Variants in LILRA6 observed in about 807,000 individuals in gnomAD.
LILRA6 encodes leukocyte immunoglobulin-like receptor subfamily A member 6.
LILRA6 carries 16 observed loss-of-function variants against 53.9 expected under a neutral mutation model. The observed-to-expected ratio is 0.30, with a 90% confidence interval of 0.20 to 0.45. The LOEUF (loss-of-function observed/expected upper bound fraction) is 0.45. Among genes scored for constraint, LILRA6 ranks in the 20% least tolerant of loss-of-function variants. LILRA6 has a pLI of 1.00. For missense variants in LILRA6, 306 were observed against 618.6 expected (o/e 0.49, Z 5.36); for synonymous variants, 135 against 256.4 (o/e 0.53, Z 4.52).
At chr19:54,239,690 TGG>T (rs2078695499) in intron 7 of LILRA6, 1 of 1,546,102 alleles carries the variant, frequency 6.5e-7, no homozygotes, top group Non-Finnish European at 8.7e-7. Flanking sequence ...AGGTGAAGCC[TGG>T]GGCTACCTTG....
chr19:54,239,171 C>A (rs1022494960), intron 7 of LILRA6, 82 bp from the exon 8 acceptor site: 3 of 1,591,134 alleles, frequency 1.9e-6, no homozygotes, highest in Non-Finnish European at 1.7e-6. Context: ...ACCCAGGGCA[C>A]CCCCCATCCG....
chr19:54,238,755 A>G (rs2078669186), exon 8 of LILRA6: 3 of 952,658 alleles, frequency 3.1e-6, no homozygotes, highest in African/African-American at 3.5e-5. Flanking sequence ...GTGGGTCTCA[A>G]CTGGGCATTC....
At chr19:54,240,994 G>A in exon 5 of LILRA6, 2 of 1,613,850 alleles carry the variant, frequency 1.2e-6, no homozygotes, top group South Asian at 2.2e-5. Context: ...GGCGCTGGAG[G>A]AAGTCACGTT....
At chr19:54,239,793 A>G in intron 7 of LILRA6, 108 bp downstream of exon 7, 1 of 1,550,642 alleles carries the variant, frequency 6.4e-7, no homozygotes, top group Non-Finnish European at 8.7e-7. Context: ...CCAGCCTCAG[A>G]GCCCCTGGGA....
exon 5 of LILRA6, chr19:54,241,117 C>T (rs761631915): frequency 6.3e-7 from 1 of 1,579,458 alleles, no homozygotes; most frequent in Non-Finnish European, 8.6e-7. Context: ...GGGAGGGCTT[C>T]CTAGACACGC....
intron 7 of LILRA6, chr19:54,239,627 G>A: frequency 1.5e-6 from 2 of 1,377,098 alleles, no homozygotes; most frequent in South Asian, 1.4e-5. Flanking sequence ...TCACTGGCCT[G>A]ACCCTGGGGG....
intron 7 of LILRA6, chr19:54,239,649 G>C: frequency 6.7e-7 from 1 of 1,493,134 alleles, no homozygotes; most frequent in South Asian, 1.3e-5. Context: ...TTGAGGGGCT[G>C]GTCCTCAGGA....
intron 7 of LILRA6, 91 bp from the exon 8 acceptor site, chr19:54,239,180 C>G: frequency 6.3e-7 from 1 of 1,586,554 alleles, no homozygotes; most frequent in Admixed American, 1.8e-5. Context: ...ACCCCCCATC[C>G]GCCATTGACA....
chr19:54,239,403 G>A (rs2078687450), intron 7 of LILRA6: 4 of 668,742 alleles, frequency 6.0e-6, no homozygotes, highest in Non-Finnish European at 9.5e-6. Context: ...GCTCCCTCCA[G>A]TCTCCTCATG....
Position 54,242,623 on chromosome 19 carries a change from C to G in LILRA6, c.35-69G>C, listed in dbSNP as rs1216818187. The G allele has an allele frequency of 1.9e-6, 2 of 1,080,942 alleles. 1 individual carries two copies. The highest frequency in any genetic ancestry group is 4.9e-5 in the East Asian group (2 of 40,506). The allele number at this position is 1,080,942 out of a possible 1,614,324, so 67.0% of individuals were successfully genotyped here. ...CAGGTCCTCCCCGCCCTGGTGCCTC[C>G]TGAGCTTTTGAGGTCTCCTGATGGA... On this transcript the variant is annotated intron_variant, in intron 1 of 7. Transcript: ENST00000396365.
At chr19:54,239,600 C>T in intron 7 of LILRA6, 3 of 1,197,464 alleles carry the variant, frequency 2.5e-6, no homozygotes, top group Non-Finnish European at 3.5e-6. Context: ...TCACCTGAGA[C>T]CACGAGCTCC....
exon 5 of LILRA6, chr19:54,241,042 A>C (rs1824123419): frequency 6.2e-7 from 1 of 1,612,686 alleles, no homozygotes; most frequent in Non-Finnish European, 8.5e-7. Context: ...CGTAGCCGAC[A>C]TCAGAGCCAC....
At chr19:54,241,158 G>A in intron 4 of LILRA6, 31 bp from the exon 5 acceptor site, 1 of 1,505,884 alleles carries the variant, frequency 6.6e-7, no homozygotes, top group Non-Finnish European at 8.9e-7. Flanking sequence ...GGACTGAGAG[G>A]GCTGGTTCCT....
At chr19:54,239,282 G>T in intron 7 of LILRA6, 193 bp from the exon 8 acceptor site, 2 of 1,486,524 alleles carry the variant, frequency 1.3e-6, no homozygotes, top group South Asian at 2.7e-5. Flanking sequence ...AAAACAGAAG[G>T]GGAGAGCCCT....
At chr19:54,239,574 G>A (rs2078691228) in intron 7 of LILRA6, 4 of 1,002,758 alleles carry the variant, frequency 4.0e-6, no homozygotes, top group South Asian at 3.2e-5. Context: ...GCTCAGAGAG[G>A]ACAGGGTCAG....
intron 7 of LILRA6, 127 bp from the exon 8 acceptor site, chr19:54,239,216 A>G (rs1373008181): frequency 2.1e-5 from 32 of 1,556,892 alleles, no homozygotes; most frequent in Non-Finnish European, 2.6e-5. Context: ...TGCCCGCCCC[A>G]TAACTGTCTG....
chr19:54,239,457 TCC>T, intron 7 of LILRA6: 2 of 621,132 alleles, frequency 3.2e-6, no homozygotes, highest in Admixed American at 6.7e-5. Flanking sequence ...TCAACGCTGC[TCC>T]TGAGCCATTT....
exon 5 of LILRA6, chr19:54,240,922 G>C: frequency 1.2e-6 from 2 of 1,614,118 alleles, no homozygotes; most frequent in Non-Finnish European, 1.7e-6. Flanking sequence ...CCCCGTGGGA[G>C]GGGCTCACAG....
chr19:54,238,853 C>G lies in LILRA6; in HGVS notation c.*100G>C, dbSNP rs189984272. 5.4e-5 allele frequency: 83 copies of G among 1,523,254 alleles called. 2 individuals are homozygous for G. The South Asian group carries it at 9.8e-4, about 18-fold the overall frequency. 94.4% of individuals were successfully genotyped at this position (1,523,254 alleles called of 1,614,324 possible). The stretch of plus-strand genomic sequence containing the variant: ...CAGTGTGTGGCCTGAAATCTCACCC[C>G]CCTCTGGAGGTCCTAGATTGTCCTC... On this transcript the variant is annotated 3_prime_UTR_variant, in exon 8 of 8. Coordinates refer to ENST00000396365, the Ensembl canonical transcript of LILRA6.
Sources: allele counts gnomAD v4.1 joint callset, GRCh38; gene constraint gnomAD v4.1.1; transcripts MANE v1.5; gene names NCBI Gene and HGNC (gene_info 2026-07-23, HGNC 2026-07-21).